Variants in VPS13B observed in about 807,000 individuals in gnomAD.
The protein encoded by VPS13B is vacuolar protein sorting 13 homolog B, also known as intermembrane lipid transfer protein VPS13B.
Under a neutral mutation model 426.4 loss-of-function variants are expected in VPS13B, and 285 were observed. The ratio of observed to expected loss-of-function variants is 0.67; its 90% CI spans 0.61 to 0.74. The LOEUF (loss-of-function observed/expected upper bound fraction) is 0.74, where lower values mean the gene tolerates loss of function less well. VPS13B is among the 30% of genes least tolerant of loss of function. The pLI is 0.00. For synonymous variants in VPS13B, 1,676 were observed against 1,676.4 expected, an observed-to-expected ratio of 1.00 and a Z score of 0.01; for missense variants, 4,537 against 4,782.6, an observed-to-expected ratio of 0.95 and a Z score of 1.51.
intron 24 of VPS13B, among the ~76,000 whole-genome samples, chr8:99,474,054 A>T (rs1819554552): frequency 1.3e-5 from 2 of 152,182 alleles, no homozygotes; most frequent in Non-Finnish European, 2.9e-5. Context: ...TTGATGGCTT[A>T]TTGATCTTGA....
intron 31 of VPS13B, among the ~76,000 whole-genome samples, chr8:99,574,893 T>C (rs1825696353): frequency 6.6e-6 from 1 of 152,130 alleles, no homozygotes; most frequent in African/African-American, 2.4e-5. Flanking sequence ...CTGGACATGG[T>C]GGCTCAACAC....
At chr8:99,180,927 G>C (rs1588119001) in intron 16 of VPS13B, among the ~76,000 whole-genome samples, 1 of 152,238 alleles carries the variant, frequency 6.6e-6, no homozygotes, top group African/African-American at 2.4e-5. Flanking sequence ...ATAATATTCA[G>C]AATGTTAAGG....
At chr8:99,216,529 G>C (rs1299777994) in intron 17 of VPS13B, among the ~76,000 whole-genome samples, 1 of 151,722 alleles carries the variant, frequency 6.6e-6, no homozygotes, top group African/African-American at 2.4e-5. Context: ...TGTAAAATTT[G>C]GGTGGAGGAG....
Position 99,859,394 on chromosome 8 carries a change from C to T in VPS13B, c.10958C>T (p.Pro3653Leu), listed in dbSNP as rs749689354. Residue 3653 changes from proline to leucine, a missense_variant, in exon 57 of 62, where the codon CCG becomes CTG. Pro to Leu is a moderately conservative substitution (Grantham distance 98). This residue lies in a region of VPS13B where 4,311 missense variants were observed against 4,474.3 expected (regional missense o/e 0.96). Coordinates refer to ENST00000357162, the MANE Select transcript of VPS13B (RefSeq NM_152564.5). The part of the protein sequence containing the change: ...GNGVADFFRL[P>L]YEGLTRGPGA... ...GGGGTCGCCGACTTCTTCAGGCTTC[C>T]GTATGAGGGGCTGACCCGGGGCCCT... 8.1e-6 allele frequency: 13 copies of T among 1,614,150 alleles called. No homozygotes were observed. The highest frequency in any genetic ancestry group is 1.7e-5 in the Admixed American group (1 of 60,022).
At chr8:99,509,530 C>T (rs1201380778) in intron 28 of VPS13B, among the ~76,000 whole-genome samples, 1 of 151,930 alleles carries the variant, frequency 6.6e-6, no homozygotes, top group Non-Finnish European at 1.5e-5. Flanking sequence ...TTTCCTCTCA[C>T]CATGTCAGTG....
At chr8:99,329,227 C>G (rs973517626) in intron 19 of VPS13B, among the ~76,000 whole-genome samples, 1 of 151,938 alleles carries the variant, frequency 6.6e-6, no homozygotes, top group South Asian at 2.1e-4. Flanking sequence ...ATTCTCTTGG[C>G]CTTGTTTTCA....
chr8:99,861,862 C>CTGG lies in VPS13B; in HGVS notation c.11131_11132insTGG (p.Gln3711delinsLeuGlu). ...ACTGGATGAGGAGCACTACAACCGGCAGGAGGAGTGGCGGCGGCAGCTCCC... is the reference window on the plus strand; with the variant it reads ...ACTGGATGAGGAGCACTACAACCGGCTGGAGGAGGAGTGGCGGCGGCAGCTCCC... On this transcript the variant is annotated protein_altering_variant, in exon 58 of 62. Coordinates refer to ENST00000357162, the MANE Select transcript of VPS13B (RefSeq NM_152564.5). The CTGG allele has an allele frequency of 6.2e-7, 1 of 1,602,216 alleles. No individual in the cohort carries two copies.
intron 3 of VPS13B, among the ~76,000 whole-genome samples, chr8:99,061,779 C>G (rs1223148089): frequency 6.6e-6 from 1 of 152,198 alleles, no homozygotes; most frequent in Non-Finnish European, 1.5e-5. Context: ...GTATGCTCCT[C>G]TTCATGTCCT....
At chr8:99,339,679 G>T (rs1398730478) in intron 19 of VPS13B, among the ~76,000 whole-genome samples, 1 of 151,938 alleles carries the variant, frequency 6.6e-6, no homozygotes, top group Non-Finnish European at 1.5e-5. Flanking sequence ...ATGTTTTACG[G>T]AAAGGGAACC....
intron 21 of VPS13B, among the ~76,000 whole-genome samples, chr8:99,429,166 A>G (rs975458196): frequency 6.6e-6 from 1 of 152,072 alleles, no homozygotes; most frequent in Admixed American, 6.6e-5. Flanking sequence ...GCATTTGGAG[A>G]TATACCTAAT....
At chr8:99,857,927 G>C (rs1015816548) in intron 56 of VPS13B, among the ~76,000 whole-genome samples, 1 of 152,106 alleles carries the variant, frequency 6.6e-6, no homozygotes, top group African/African-American at 2.4e-5. Context: ...TCATCCTAAC[G>C]TTCCAGAGAA....
chr8:99,789,871 A>C (rs1812457996), intron 43 of VPS13B, among the ~76,000 whole-genome samples: 1 of 152,150 alleles, frequency 6.6e-6, no homozygotes, highest in Admixed American at 6.5e-5. Flanking sequence ...GGAAAAAGAC[A>C]TGTCAAAATG....
At position 99,393,124 on chromosome 8, in the gene VPS13B, TA is replaced by T. The variant is rs1232342542; in HGVS notation, c.3082+1424del. Among the ~76,000 whole-genome samples the T allele has an allele frequency of 2.0e-5, 3 of 152,182 alleles. No individual in the cohort carries two copies. In the East Asian group the frequency reaches 5.8e-4, roughly 29 times the overall value. ...CTTACATGCATGTAAACCATATATT[TA>T]AAATAATGGTTAAGGATAATTAACG... On this transcript the variant is annotated intron_variant, in intron 21 of 61. Transcript: ENST00000357162.
chr8:99,019,258 G>A (rs1455429227), intron 2 of VPS13B, among the ~76,000 whole-genome samples: 3 of 148,136 alleles, frequency 2.0e-5, no homozygotes, highest in Non-Finnish European at 4.4e-5. Flanking sequence ...CCAGGCTGGA[G>A]TGCAGTGGTG....
At chr8:99,835,054 A>G in intron 52 of VPS13B, 143 bp from the exon 53 acceptor site, 1 of 929,554 alleles carries the variant, frequency 1.1e-6, no homozygotes, top group Non-Finnish European at 1.7e-6. Flanking sequence ...TGTTACTGTT[A>G]TCAGAAAAGG....
intron 16 of VPS13B, among the ~76,000 whole-genome samples, chr8:99,174,718 T>C (rs1812536547): frequency 6.6e-6 from 1 of 152,194 alleles, no homozygotes; most frequent in South Asian, 2.1e-4. Flanking sequence ...GGAACCATAT[T>C]GCAGGGTCCT....
intron 21 of VPS13B, among the ~76,000 whole-genome samples, chr8:99,429,019 C>G (rs146193277): frequency 0.02 from 3,099 of 152,200 alleles, 117 homozygotes; most frequent in African/African-American, 0.071. Context: ...TCTCAGCAAA[C>G]TAACGCAAGG....
rs118168036 is a variant in VPS13B at position 99,820,919 on chromosome 8, A to T, written c.8995-375A>T. Among the ~76,000 whole-genome samples, 122 of 152,086 alleles carry T rather than the reference A, an allele frequency of 8.0e-4. 4 individuals carry two copies. The East Asian group carries it at 0.02, about 25-fold the overall frequency. ...TTGGAATGTTGACCTATGTGGACCT[A>T]ATGTTGCATATTATTCTCTTGTCAA... On this transcript the variant is annotated intron_variant, in intron 49 of 61. Transcript: ENST00000357162.
intron 36 of VPS13B, among the ~76,000 whole-genome samples, chr8:99,714,157 AGAC>A (rs924635718): frequency 6.6e-6 from 1 of 151,490 alleles, no homozygotes; most frequent in African/African-American, 2.4e-5. Context: ...AAAAAAAAAA[AGAC>A]AGGCATATAC....
Sources: gnomAD v4.1 joint callset for allele counts (sites outside exome capture counted in the v4.1 genomes callset) on GRCh38, gnomAD v4.1.1 for gene constraint, gnomAD v4.1.1 regional missense constraint, MANE v1.5 for transcripts, NCBI Gene and HGNC (gene_info 2026-07-23, HGNC 2026-07-21) for gene names.